PPM1L: variants seen among roughly 807,000 people sequenced by gnomAD.
PPM1L encodes the protein protein phosphatase, Mg2+/Mn2+ dependent 1L, also known as protein phosphatase 1L.
A neutral mutation model predicts 31.4 loss-of-function variants in PPM1L; 13 were observed. The observed-to-expected ratio is 0.41, with a 90% CI of 0.27 to 0.66. PPM1L has a LOEUF of 0.66. Ranked by LOEUF, PPM1L falls within the 30% of genes least tolerant of loss-of-function variation. PPM1L has a pLI of 0.29. For synonymous variants in PPM1L, 184 were observed against 175.4 expected, an observed-to-expected ratio of 1.05 and a Z score of -0.39; for missense variants, 326 against 453.7, an observed-to-expected ratio of 0.72 and a Z score of 2.56.
intron 1 of PPM1L, among the ~76,000 whole-genome samples, chr3:160,959,659 G>A (rs1256738307): frequency 2.6e-5 from 4 of 151,834 alleles, no homozygotes; most frequent in East Asian, 1.9e-4. Flanking sequence ...GTAAAACCCC[G>A]TCTCTACTAA....
chr3:160,835,882 A>G (rs1476991235), intron 1 of PPM1L, among the ~76,000 whole-genome samples: 2 of 152,076 alleles, frequency 1.3e-5, no homozygotes, highest in Admixed American at 1.3e-4. Flanking sequence ...AGTTTGGAAC[A>G]TCTCTGCTCT....
chr3:160,923,469 G>GTTA (rs1238262177), intron 1 of PPM1L, among the ~76,000 whole-genome samples: 5 of 152,108 alleles, frequency 3.3e-5, no homozygotes, highest in Non-Finnish European at 7.4e-5. Flanking sequence ...TAGAAAATAT[G>GTTA]GCCTTATTTT....
At chr3:161,030,847 GA>G (rs1026327010) in intron 2 of PPM1L, among the ~76,000 whole-genome samples, 9 of 150,470 alleles carry the variant, frequency 6.0e-5, no homozygotes, top group African/African-American at 1.9e-4. Flanking sequence ...TCTCTGTTGA[GA>G]AAAAAAAAGG....
chr3:160,883,283 T>C lies in PPM1L; in HGVS notation c.400-78453T>C, dbSNP rs537365459. On this transcript the variant is annotated intron_variant, in intron 1 of 3. Transcript: ENST00000498165. ...TTTACCTGACAGTGCTATATGGAAT[T>C]AGATGAAATTTATGAAATGTAGTTG... is the stretch of plus-strand genomic sequence containing the variant. Among the ~76,000 whole-genome samples the C allele has an allele frequency of 3.9e-5, 6 of 152,296 alleles. No homozygotes were observed. In the South Asian group the frequency reaches 8.3e-4, roughly 21 times the overall value.
Position 160,765,683 on chromosome 3 carries a change from A to G in PPM1L, c.399+8976A>G, listed in dbSNP as rs115156157. Among the ~76,000 whole-genome samples, 795 of 152,302 alleles carry G rather than the reference A, an allele frequency of 5.2e-3. 8 individuals are homozygous for G. Among genetic ancestry groups the G allele is most frequent in the African/African-American group, 0.018 (757 of 41,562 alleles). ...AGGCTTTCATAGAAATTATAGTGGT[A>G]TTAGCATAACCAGTCACAATAAACA... On this transcript the variant is annotated intron_variant, in intron 1 of 3. Transcript: ENST00000498165.
intron 2 of PPM1L, among the ~76,000 whole-genome samples, chr3:161,044,833 G>T (rs547423264): frequency 6.6e-6 from 1 of 152,138 alleles, no homozygotes; most frequent in Non-Finnish European, 1.5e-5. Context: ...TGCCAAATTG[G>T]ATAAAGAGTC....
chr3:160,798,945 G>T (rs949982414), intron 1 of PPM1L, among the ~76,000 whole-genome samples: 3 of 152,218 alleles, frequency 2.0e-5, no homozygotes, highest in Admixed American at 6.5e-5. Flanking sequence ...GAGTTTGGAA[G>T]AAGTTGATTC....
chr3:160,769,850 A>C (rs113928476), intron 1 of PPM1L, among the ~76,000 whole-genome samples: 2,512 of 152,296 alleles, frequency 0.016, 64 homozygotes, highest in African/African-American at 0.057. Flanking sequence ...AGAGGGGATT[A>C]CTGGGAGGGT....
chr3:160,790,603 T>C (rs1712076217), intron 1 of PPM1L, among the ~76,000 whole-genome samples: 1 of 151,998 alleles, frequency 6.6e-6, no homozygotes, highest in South Asian at 2.1e-4. Context: ...GCCTGTGTTG[T>C]AGTGGAGATA....
intron 2 of PPM1L, among the ~76,000 whole-genome samples, chr3:161,012,867 C>A (rs1717942749): frequency 6.6e-6 from 1 of 151,920 alleles, no homozygotes; most frequent in Non-Finnish European, 1.5e-5. Flanking sequence ...GGTGATATCC[C>A]CTTTATCATT....
At chr3:160,920,394 A>G (rs1400534259) in intron 1 of PPM1L, among the ~76,000 whole-genome samples, 1 of 152,060 alleles carries the variant, frequency 6.6e-6, no homozygotes, top group Non-Finnish European at 1.5e-5. Flanking sequence ...TTCTTTCACA[A>G]TGGGGTTTAA....
chr3:160,805,539 T>C (rs1712571422), intron 1 of PPM1L, among the ~76,000 whole-genome samples: 1 of 152,124 alleles, frequency 6.6e-6, no homozygotes, highest in East Asian at 1.9e-4. Context: ...TTGGTCAATA[T>C]GGTGATATCC....
At chr3:161,065,300 G>T (rs554430134) in intron 2 of PPM1L, 103 bp from the exon 3 acceptor site, 1 of 1,166,514 alleles carries the variant, frequency 8.6e-7, no homozygotes, top group Non-Finnish European at 1.2e-6. Context: ...TTCTCACCCA[G>T]CAGAAGCAAT....
intron 1 of PPM1L, among the ~76,000 whole-genome samples, chr3:160,946,192 T>C (rs1383922531): frequency 6.6e-6 from 1 of 152,152 alleles, no homozygotes; most frequent in African/African-American, 2.4e-5. Context: ...TTACTTTTCT[T>C]AGCCCAGAGT....
chr3:160,985,138 C>T (rs1716923506), intron 2 of PPM1L, among the ~76,000 whole-genome samples: 1 of 152,206 alleles, frequency 6.6e-6, no homozygotes, highest in Non-Finnish European at 1.5e-5. Flanking sequence ...AGTCTTTGAG[C>T]AGTGGGACTC....
intron 2 of PPM1L, among the ~76,000 whole-genome samples, chr3:160,998,259 C>A (rs1000096927): frequency 1.3e-5 from 2 of 152,110 alleles, no homozygotes; most frequent in Non-Finnish European, 2.9e-5. Context: ...AGGAGTTCAC[C>A]TGGGACTCAC....
rs1720103467 is a variant in PPM1L, at chr3:161,076,521, T to G, written c.*7364T>G. 6.6e-6 allele frequency: 1 copy of G among 152,164 alleles called. No individual in the cohort carries two copies. The highest frequency in any genetic ancestry group is 2.4e-5 in the African/African-American group (1 of 41,464). 9.4% of individuals were successfully genotyped at this position (152,164 alleles called of 1,614,324 possible). A position where few individuals can be genotyped will look rare whatever the true frequency, so the allele number is the denominator to read the frequency against. On this transcript the variant is annotated 3_prime_UTR_variant, in exon 4 of 4. Coordinates refer to ENST00000498165, the MANE Select transcript of PPM1L (RefSeq NM_139245.4). ...TTATAGAAAGCAGTGTTTGTTCTTT[T>G]TAATTTATTACATGTTCACATTGAA...
intron 1 of PPM1L, among the ~76,000 whole-genome samples, chr3:160,899,593 G>GT (rs5853911): frequency 0.85 from 129,982 of 152,098 alleles, 55,760 homozygotes; most frequent in Middle Eastern, 0.92. Flanking sequence ...TGTTTTTGTT[G>GT]TAATTTCAAG....
intron 2 of PPM1L, among the ~76,000 whole-genome samples, chr3:160,963,451 C>A (rs932056630): frequency 6.6e-6 from 1 of 151,962 alleles, no homozygotes; most frequent in Non-Finnish European, 1.5e-5. Context: ...TGCTGGAGGA[C>A]TAAAACATAC....
Sources: allele counts gnomAD v4.1 joint callset (sites outside exome capture counted in the v4.1 genomes callset), GRCh38; gene constraint gnomAD v4.1.1; transcripts MANE v1.5; gene names NCBI Gene and HGNC (gene_info 2026-07-23, HGNC 2026-07-21).